RAB7A: variants seen among roughly 807,000 people sequenced by gnomAD.
RAB7A encodes ras-related protein Rab-7a.
In RAB7A, 2 loss-of-function variants were observed where a neutral mutation model predicts 24.5. The ratio of observed to expected loss-of-function variants is 0.08; its 90% CI spans 0.03 to 0.26. The LOEUF (loss-of-function observed/expected upper bound fraction) is 0.26, where lower values mean the gene tolerates loss of function less well. RAB7A is among the 10% of genes least tolerant of loss of function. The pLI, the probability that RAB7A is intolerant of heterozygous loss-of-function variation, is 1.00. For synonymous variants in RAB7A, 100 were observed against 95.9 expected (o/e 1.04, Z -0.25); for missense variants, 118 against 255.7 (o/e 0.46, Z 3.67).
At chr3:128,750,121 A>G (rs533419110) in intron 1 of RAB7A, among the ~76,000 whole-genome samples, 5 of 152,308 alleles carry the variant, frequency 3.3e-5, no homozygotes, top group Admixed American at 3.3e-4. Context: ...TCAGATGGAG[A>G]TGAAGAACTT....
At chr3:128,779,030 GAA>G (rs1443331490) in intron 1 of RAB7A, among the ~76,000 whole-genome samples, 1 of 152,208 alleles carries the variant, frequency 6.6e-6, no homozygotes, top group Non-Finnish European at 1.5e-5. Context: ...AATCATTATT[GAA>G]AGTGTTTGGG....
chr3:128,804,188 CA>C (rs1328298606), intron 3 of RAB7A, among the ~76,000 whole-genome samples: 1 of 151,782 alleles, frequency 6.6e-6, no homozygotes, highest in East Asian at 1.9e-4. Context: ...ATTTTAATGC[CA>C]AAAGTCACAC....
At chr3:128,789,650 T>A (rs1267199878) in intron 1 of RAB7A, among the ~76,000 whole-genome samples, 1 of 151,774 alleles carries the variant, frequency 6.6e-6, no homozygotes, top group Admixed American at 6.6e-5. Context: ...TTTTAAAAAA[T>A]AATTTCAGTC....
intron 1 of RAB7A, among the ~76,000 whole-genome samples, chr3:128,774,900 C>T (rs1933042039): frequency 6.6e-6 from 1 of 152,116 alleles, no homozygotes. Context: ...TGTGCCTCAG[C>T]CTCCCGTATG....
chr3:128,807,636 G>A lies in RAB7A; in HGVS notation c.493G>A (p.Ala165Thr), dbSNP rs1933833946. The A allele has an allele frequency of 6.2e-7, 1 of 1,614,240 alleles. No individual in the cohort carries two copies. The highest frequency in any genetic ancestry group is 8.5e-7 in the Non-Finnish European group (1 of 1,180,046). Reference protein sequence around the residue: ...SAKEAINVEQAFQTIARNALK... With the variant: ...SAKEAINVEQTFQTIARNALK... Reference sequence around the variant, plus strand: ...CAAGGAGGCCATCAACGTGGAGCAGGCGTTCCAGACGATTGCACGGAATGC... The same window carrying A: ...CAAGGAGGCCATCAACGTGGAGCAGACGTTCCAGACGATTGCACGGAATGC... Residue 165 changes from alanine to threonine, a missense_variant, in exon 5 of 6, where the codon GCG (alanine) becomes ACG (threonine). Physicochemically the swap from Ala to Thr is moderately conservative, Grantham distance 58. Transcript: ENST00000265062.
chr3:128,806,307 T>C (rs1933800732), intron 3 of RAB7A, 65 bp from the exon 4 acceptor site: 13 of 1,450,882 alleles, frequency 9.0e-6, no homozygotes, highest in Non-Finnish European at 1.1e-5. Flanking sequence ...TGGCACCCCT[T>C]GCATACATGC....
intron 1 of RAB7A, among the ~76,000 whole-genome samples, chr3:128,743,949 C>G (rs2070582973): frequency 1.3e-5 from 2 of 151,978 alleles, no homozygotes; most frequent in African/African-American, 4.8e-5. Flanking sequence ...CCACCACACC[C>G]AGCTAACTTG....
chr3:128,808,233 G>A (rs572556626), intron 5 of RAB7A, among the ~76,000 whole-genome samples: 1 of 152,012 alleles, frequency 6.6e-6, no homozygotes, highest in African/African-American at 2.4e-5. Context: ...GGTGGTGGTC[G>A]CCAGTAATCC....
chr3:128,732,408 T>C (rs940118812), intron 1 of RAB7A, among the ~76,000 whole-genome samples: 1 of 151,456 alleles, frequency 6.6e-6, no homozygotes, highest in African/African-American at 2.4e-5. Context: ...AAAAAAAAGC[T>C]AGGAAAATTC....
intron 2 of RAB7A, among the ~76,000 whole-genome samples, chr3:128,797,539 A>G (rs1220281744): frequency 6.6e-6 from 1 of 152,232 alleles, no homozygotes; most frequent in Admixed American, 6.5e-5. Flanking sequence ...TCATCAAGCT[A>G]AATAGCAGCC....
At chr3:128,751,288 C>T (rs1338060202) in intron 1 of RAB7A, among the ~76,000 whole-genome samples, 2 of 152,176 alleles carry the variant, frequency 1.3e-5, no homozygotes, top group Non-Finnish European at 2.9e-5. Context: ...GCACCATCCA[C>T]TTGGAAAAGC....
intron 3 of RAB7A, among the ~76,000 whole-genome samples, chr3:128,800,187 GA>G (rs1013006189): frequency 1.3e-5 from 2 of 151,712 alleles, no homozygotes; most frequent in African/African-American, 2.4e-5. Context: ...AGCAACTATA[GA>G]AAAAAAAGAC....
intron 1 of RAB7A, among the ~76,000 whole-genome samples, chr3:128,758,203 A>C (rs1340934063): frequency 6.7e-6 from 1 of 150,332 alleles, no homozygotes; most frequent in Non-Finnish European, 1.5e-5. Context: ...GCCTCAAATG[A>C]TCTTCCTGCC....
intron 1 of RAB7A, among the ~76,000 whole-genome samples, chr3:128,787,278 G>A (rs1243943706): frequency 1.3e-5 from 2 of 152,242 alleles, no homozygotes. Flanking sequence ...TCATGGCTTT[G>A]TTGAACCTTT....
At chr3:128,812,043 T>C (rs1038607306) in intron 5 of RAB7A, among the ~76,000 whole-genome samples, 1 of 152,028 alleles carries the variant, frequency 6.6e-6, no homozygotes, top group Non-Finnish European at 1.5e-5. Context: ...TAGGGTTTTT[T>C]GGGGGGTGAT....
chr3:128,737,556 G>A (rs773003393), intron 1 of RAB7A, among the ~76,000 whole-genome samples: 4 of 151,498 alleles, frequency 2.6e-5, no homozygotes, highest in Non-Finnish European at 5.9e-5. Flanking sequence ...ATGTTGCCCA[G>A]GCTGGTCTCG....
intron 1 of RAB7A, among the ~76,000 whole-genome samples, chr3:128,750,686 G>A (rs2107591060): frequency 6.6e-6 from 1 of 152,316 alleles, no homozygotes; most frequent in Non-Finnish European, 1.5e-5. Context: ...CATTGAAATA[G>A]AAAGTAAAAA....
chr3:128,732,706 T>C (rs537414801), intron 1 of RAB7A, among the ~76,000 whole-genome samples: 1 of 152,242 alleles, frequency 6.6e-6, no homozygotes, highest in South Asian at 2.1e-4. Flanking sequence ...GGTACACTTG[T>C]GGTTCCAGAT....
intron 1 of RAB7A, among the ~76,000 whole-genome samples, chr3:128,734,401 G>A (rs1450631795): frequency 3.4e-5 from 5 of 147,776 alleles, no homozygotes; most frequent in Admixed American, 1.4e-4. Flanking sequence ...GGGAGGTGGA[G>A]CTGAGATTTC....
Sources: gnomAD v4.1 joint callset for allele counts (sites outside exome capture counted in the v4.1 genomes callset) on GRCh38, gnomAD v4.1.1 for gene constraint, MANE v1.5 for transcripts, NCBI Gene and HGNC (gene_info 2026-07-23, HGNC 2026-07-21) for gene names.